PTGFR: variants seen among roughly 807,000 people sequenced by gnomAD.
PTGFR encodes prostaglandin F2-alpha receptor.
A neutral mutation model predicts 26.2 loss-of-function variants in PTGFR; 15 were observed. That is an observed-to-expected ratio of 0.57 (90% CI 0.38 to 0.88). The LOEUF (loss-of-function observed/expected upper bound fraction) is 0.88, where lower values mean the gene tolerates loss of function less well. Among genes scored for constraint, PTGFR ranks in the 40% least tolerant of loss-of-function variants. The pLI, the probability that PTGFR is intolerant of heterozygous loss-of-function variation, is 0.00. For synonymous variants in PTGFR, 165 were observed against 151.1 expected, an observed-to-expected ratio of 1.09 and a Z score of -0.68; for missense variants, 369 against 427.2, an observed-to-expected ratio of 0.86 and a Z score of 1.20.
intron 2 of PTGFR, among the ~76,000 whole-genome samples, chr1:78,528,166 C>CT (rs1475213252): frequency 6.6e-6 from 1 of 151,750 alleles, no homozygotes; most frequent in Non-Finnish European, 1.5e-5. Flanking sequence ...GACCCATAGG[C>CT]TGTTACCTGG....
intron 2 of PTGFR, among the ~76,000 whole-genome samples, chr1:78,525,874 G>A (rs1650358675): frequency 6.6e-6 from 1 of 152,114 alleles, no homozygotes; most frequent in South Asian, 2.1e-4. Flanking sequence ...ACAATGACCA[G>A]TCAAACTCTT....
At chr1:78,535,901 G>A (rs1421854713) in intron 2 of PTGFR, among the ~76,000 whole-genome samples, 1 of 152,146 alleles carries the variant, frequency 6.6e-6, no homozygotes. Context: ...AAGGGAAATA[G>A]AAAATTGAAG....
rs35641651 is a variant in PTGFR at position 78,524,906 on chromosome 1, A to ATTTTTTTTTTTTTTTT, written c.799-11481_799-11466dup. Among the ~76,000 whole-genome samples, 25 of 70,530 alleles carry ATTTTTTTTTTTTTTTT rather than the reference A, an allele frequency of 3.5e-4. 1 individual carries two copies. Among genetic ancestry groups the ATTTTTTTTTTTTTTTT allele is most frequent in the East Asian group, 5.2e-4 (1 of 1,918 alleles). The allele number at this position is 70,530 out of a possible 152,430, so 46.3% of individuals were successfully genotyped here. A position where few individuals can be genotyped will look rare whatever the true frequency, so the allele number is the denominator to read the frequency against. On this transcript the variant is annotated intron_variant, in intron 2 of 2. Coordinates refer to ENST00000370757, the MANE Select transcript of PTGFR (RefSeq NM_000959.4). ...GCTCTACACTTTGGACAAATGCAAGATTTTTTTTTTTTTTTTTTTTTTTTT... is the reference window on the plus strand; with the variant it reads ...GCTCTACACTTTGGACAAATGCAAGATTTTTTTTTTTTTTTTTTTTTTTTTTTTTTTTTTTTTTTTT...
chr1:78,492,822 C>A lies in PTGFR; in HGVS notation c.79C>A (p.Arg27=), dbSNP rs749469257. 1 of 1,614,166 alleles carries A rather than the reference C, an allele frequency of 6.2e-7. No homozygotes were observed. The highest frequency in any genetic ancestry group is 8.5e-7 in the Non-Finnish European group (1 of 1,180,022). ...LSNTTCQTEN[R]LSVFFSVIFM... ...AAACACAACCTGCCAGACGGAAAAC[C>A]GGCTTTCCGTATTTTTTTCAGTAAT... Residue 27 remains arginine, a synonymous_variant, in exon 2 of 3, where the codon CGG becomes AGG. Coordinates refer to ENST00000370757, the MANE Select transcript of PTGFR (RefSeq NM_000959.4).
chr1:78,512,127 C>T (rs2100372293), intron 2 of PTGFR, among the ~76,000 whole-genome samples: 2 of 152,290 alleles, frequency 1.3e-5, no homozygotes. Context: ...CAGTCTCTAA[C>T]AAGTTTCTAA....
At chr1:78,510,279 G>A (rs1401720407) in intron 2 of PTGFR, among the ~76,000 whole-genome samples, 2 of 152,202 alleles carry the variant, frequency 1.3e-5, no homozygotes, top group African/African-American at 4.8e-5. Context: ...ATGAAGAAAA[G>A]AGGTTTAATT....
chr1:78,509,161 T>C (rs968494898), intron 2 of PTGFR, among the ~76,000 whole-genome samples: 5 of 152,196 alleles, frequency 3.3e-5, no homozygotes, highest in African/African-American at 7.2e-5. Context: ...GGTAGCTGTT[T>C]CAGTTCTGCT....
chr1:78,508,977 T>G (rs1159428892), intron 2 of PTGFR, among the ~76,000 whole-genome samples: 1 of 152,184 alleles, frequency 6.6e-6, no homozygotes, highest in Non-Finnish European at 1.5e-5. Context: ...GAACTTTTAG[T>G]GCCATTCTTA....
chr1:78,493,338 A>C lies in PTGFR; in HGVS notation c.595A>C (p.Arg199=), dbSNP rs547608444. ...AGAAGACATCAAAGACTGGGAAGAT[A>C]GATTTTATCTTCTACTTTTTTCTTT... ...NTEDIKDWED[R]FYLLLFSFLG... is the part of the protein sequence containing the mutation. The change falls in exon 2 of 3, where the codon AGA becomes CGA. Residue 199 remains arginine (R), a synonymous_variant. Transcript: ENST00000370757. 3.7e-6 allele frequency: 6 copies of C among 1,614,152 alleles called. No individual in the cohort carries two copies. In the African/African-American group the frequency reaches 8.0e-5, roughly 22 times the overall value.
intron 2 of PTGFR, among the ~76,000 whole-genome samples, chr1:78,534,171 G>A (rs1650589574): frequency 6.6e-6 from 1 of 152,270 alleles, no homozygotes; most frequent in East Asian, 1.9e-4. Flanking sequence ...GTACTGGGTA[G>A]CTCTTGGAAA....
chr1:78,519,052 C>T (rs535580413), intron 2 of PTGFR, among the ~76,000 whole-genome samples: 1 of 152,142 alleles, frequency 6.6e-6, no homozygotes, highest in Non-Finnish European at 1.5e-5. Flanking sequence ...CTAATTTGGC[C>T]CTGAAATTGC....
intron 2 of PTGFR, among the ~76,000 whole-genome samples, chr1:78,507,489 T>C (rs1649855106): frequency 6.6e-6 from 1 of 152,216 alleles, no homozygotes; most frequent in Admixed American, 6.5e-5. Context: ...TGCCTCTCCA[T>C]TTTCTGAAAT....
At chr1:78,499,440 A>G (rs1442643484) in intron 2 of PTGFR, among the ~76,000 whole-genome samples, 1 of 152,202 alleles carries the variant, frequency 6.6e-6, no homozygotes, top group African/African-American at 2.4e-5. Context: ...TTCAGCTCCT[A>G]GACCAGTGCC....
chr1:78,498,660 A>G (rs1334846094), intron 2 of PTGFR, among the ~76,000 whole-genome samples: 2 of 152,190 alleles, frequency 1.3e-5, no homozygotes, highest in Non-Finnish European at 2.9e-5. Flanking sequence ...CAATATACCC[A>G]TGCAACAAAC....
intron 2 of PTGFR, among the ~76,000 whole-genome samples, chr1:78,530,692 T>C (rs1280839451): frequency 6.6e-6 from 1 of 152,170 alleles, no homozygotes; most frequent in Non-Finnish European, 1.5e-5. Flanking sequence ...AGATAATAGA[T>C]GTAACATATT....
chr1:78,521,721 T>C (rs1220704813), intron 2 of PTGFR, among the ~76,000 whole-genome samples: 1 of 152,100 alleles, frequency 6.6e-6, no homozygotes, highest in African/African-American at 2.4e-5. Context: ...AATACTATGT[T>C]AAACGGTAGT....
intron 2 of PTGFR, among the ~76,000 whole-genome samples, chr1:78,524,232 A>C (rs1480171341): frequency 1.3e-5 from 2 of 152,014 alleles, no homozygotes; most frequent in Non-Finnish European, 2.9e-5. Flanking sequence ...CACCATACTC[A>C]ACAACTGCAC....
At chr1:78,500,910 G>A (rs938175528) in intron 2 of PTGFR, among the ~76,000 whole-genome samples, 1 of 152,176 alleles carries the variant, frequency 6.6e-6, no homozygotes, top group Non-Finnish European at 1.5e-5. Flanking sequence ...TTGCTAGGAT[G>A]AGAATTTACT....
intron 2 of PTGFR, among the ~76,000 whole-genome samples, chr1:78,510,966 C>T (rs529856888): frequency 1.3e-5 from 2 of 152,290 alleles, no homozygotes; most frequent in African/African-American, 4.8e-5. Flanking sequence ...TTCTTGACTC[C>T]ATGTCCCACA....
Sources: allele counts gnomAD v4.1 joint callset (sites outside exome capture counted in the v4.1 genomes callset), GRCh38; gene constraint gnomAD v4.1.1; transcripts MANE v1.5; gene names NCBI Gene and HGNC (gene_info 2026-07-23, HGNC 2026-07-21).